The following IL12RB1 variants were observed in gnomAD, a reference collection of about 807,000 sequenced individuals.
The protein encoded by IL12RB1 is interleukin 12 receptor subunit beta 1, also known as interleukin-12 receptor subunit beta-1.
In IL12RB1, 64 loss-of-function variants were observed where a neutral mutation model predicts 94.4. The ratio of observed to expected loss-of-function variants is 0.68; its 90% CI spans 0.55 to 0.83. The LOEUF (loss-of-function observed/expected upper bound fraction) is 0.83, where lower values mean the gene tolerates loss of function less well. IL12RB1 is among the 40% of genes least tolerant of loss of function. The pLI is 0.00. For synonymous variants in IL12RB1, 362 were observed against 355.5 expected (o/e 1.02, Z -0.21); for missense variants, 814 against 855.6 (o/e 0.95, Z 0.61).
intron 7 of IL12RB1, among the ~76,000 whole-genome samples, chr19:18,075,322 G>A (rs1162689399): frequency 1.4e-5 from 2 of 148,130 alleles, no homozygotes; most frequent in African/African-American, 2.5e-5. Flanking sequence ...GTGCAGTGGT[G>A]TGATCTTGGA....
rs527345458 is a variant in IL12RB1, at chr19:18,062,273, C to G, written c.1623G>C (p.Val541=). The G allele has an allele frequency of 6.2e-7, 1 of 1,607,880 alleles. No individual in the cohort carries two copies. Among genetic ancestry groups the G allele is most frequent in the African/African-American group, 1.3e-5 (1 of 74,748 alleles). ...AGAAGATGAGCCAATCAGAAACCTGCACTTCTGAGGTGGGAGAGCGTGGGT... is the reference window on the plus strand; with the variant it reads ...AGAAGATGAGCCAATCAGAAACCTGGACTTCTGAGGTGGGAGAGCGTGGGT... ...WSQPQRFSIE[V]QVSDWLIFFA... The change falls in exon 14 of 17, where the codon GTG becomes GTC. Residue 541 remains valine, a synonymous_variant. Transcript: ENST00000593993.
At chr19:18,084,233 GTCCATCCATCCACGTATTCATCCA>G (rs1000894117) in intron 1 of IL12RB1, among the ~76,000 whole-genome samples, 1 of 105,530 alleles carries the variant, frequency 9.5e-6, no homozygotes, top group Non-Finnish European at 1.9e-5. Context: ...CCCACCATCC[GTCCATCCATCCACGTATTCATCCA>G]TCCATCCATC....
intron 16 of IL12RB1, 133 bp from the exon 17 acceptor site, chr19:18,059,746 G>A (rs1158103181): frequency 4.1e-6 from 3 of 738,002 alleles, no homozygotes; most frequent in Middle Eastern, 2.3e-4. Context: ...TGAGATAGTC[G>A]CTCTTCGTGT....
intron 12 of IL12RB1, among the ~76,000 whole-genome samples, chr19:18,065,833 G>GA (rs2034536702): frequency 6.7e-6 from 1 of 149,310 alleles, no homozygotes; most frequent in African/African-American, 2.5e-5. Context: ...AGAAAAAAAA[G>GA]AAAAAATCCC....
chr19:18,081,920 G>T (rs1298596445), intron 3 of IL12RB1, among the ~76,000 whole-genome samples: 1 of 151,954 alleles, frequency 6.6e-6, no homozygotes, highest in Non-Finnish European at 1.5e-5. Context: ...GGGTGAAGAA[G>T]AAAAAAGGAC....
chr19:18,087,032 G>A (rs2036396413), upstream of IL12RB1: 7 of 1,043,432 alleles, frequency 6.7e-6, no homozygotes, highest in Non-Finnish European at 8.3e-6. Flanking sequence ...CCGTGGTGGT[G>A]GTGATGGTGG....
intron 1 of IL12RB1, among the ~76,000 whole-genome samples, chr19:18,086,240 A>G (rs1351063328): frequency 7.4e-6 from 1 of 135,282 alleles, no homozygotes; most frequent in Non-Finnish European, 1.6e-5. Context: ...AAATAAATAA[A>G]TAAATAAATA....
chr19:18,077,228 G>GTACAGGTA lies in IL12RB1; in HGVS notation c.549+287_549+288insTACCTGTA, dbSNP rs1399568087. Among the ~76,000 whole-genome samples the GTACAGGTA allele has an allele frequency of 1.3e-3, 192 of 152,128 alleles. 1 individual carries two copies. Among genetic ancestry groups the GTACAGGTA allele is most frequent in the African/African-American group, 4.4e-3 (182 of 41,514 alleles). On this transcript the variant is annotated intron_variant, in intron 5 of 16. Coordinates refer to ENST00000593993, the MANE Select transcript of IL12RB1 (RefSeq NM_005535.3). ...CAAAAATTAGCTGCGTGTGGTAGTG[G>GTACAGGTA]GCGCATGCCTGTAATCCCAGCTACT...
At chr19:18,086,440 A>C (rs889127156) in intron 1 of IL12RB1, among the ~76,000 whole-genome samples, 5 of 152,090 alleles carry the variant, frequency 3.3e-5, no homozygotes, top group Admixed American at 3.3e-4. Context: ...ATCTATTGTA[A>C]ACTACATACA....
rs420170 is a variant in IL12RB1 at position 18,066,045 on chromosome 19, A to T, written c.1483+497T>A. On this transcript the variant is annotated intron_variant, in intron 12 of 16. Coordinates refer to ENST00000593993, the MANE Select transcript of IL12RB1 (RefSeq NM_005535.3). ...AGAGTGAGTCCCTGTCTATAAAATTAAAAAAAAAAAAAAAAAGACCCTCAA... is the reference window on the plus strand; with the variant it reads ...AGAGTGAGTCCCTGTCTATAAAATTTAAAAAAAAAAAAAAAAGACCCTCAA... 7.6e-3 allele frequency among the ~76,000 whole-genome samples: 806 copies of T among 106,086 alleles called. 6 individuals are homozygous for T. The highest frequency in any genetic ancestry group is 0.048 in the African/African-American group (666 of 13,756). 69.6% of individuals were successfully genotyped at this position (106,086 alleles called of 152,430 possible).
intron 4 of IL12RB1, among the ~76,000 whole-genome samples, chr19:18,079,635 C>T (rs889416764): frequency 6.6e-6 from 1 of 151,710 alleles, no homozygotes; most frequent in Admixed American, 6.6e-5. Flanking sequence ...GTGGGATGGG[C>T]GCGGTGGCTC....
intron 2 of IL12RB1, 77 bp downstream of exon 2, chr19:18,083,355 A>G (rs2036047072): frequency 7.2e-7 from 1 of 1,382,176 alleles, no homozygotes; most frequent in African/African-American, 1.4e-5. Context: ...GGTGGAGGCC[A>G]TGGGAGGGGC....
At chr19:18,077,365 A>C (rs1568508902) in intron 5 of IL12RB1, 151 bp downstream of exon 5, 1 of 658,510 alleles carries the variant, frequency 1.5e-6, no homozygotes, top group Non-Finnish European at 2.7e-6. Context: ...CCGTCTCAGA[A>C]AAAAAAAAAG....
intron 12 of IL12RB1, among the ~76,000 whole-genome samples, chr19:18,066,090 G>GT (rs1462637964): frequency 1.3e-5 from 2 of 148,372 alleles, no homozygotes; most frequent in East Asian, 4.0e-4. Flanking sequence ...TCTTGTTTTT[G>GT]TTTTTTGTTT....
At chr19:18,083,184 A>G in intron 2 of IL12RB1, 1 of 610,146 alleles carries the variant, frequency 1.6e-6, no homozygotes. Context: ...GACCAATCTG[A>G]ACGGACACAG....
At chr19:18,076,169 C>G in intron 6 of IL12RB1, 128 bp downstream of exon 6, 1 of 727,106 alleles carries the variant, frequency 1.4e-6, no homozygotes, top group East Asian at 2.5e-5. Context: ...GGAAAGAATC[C>G]AATACTGAAC....
intron 7 of IL12RB1, among the ~76,000 whole-genome samples, chr19:18,074,879 G>A (rs956237813): frequency 4.0e-5 from 6 of 151,616 alleles, no homozygotes; most frequent in African/African-American, 1.2e-4. Flanking sequence ...GTGAAACCCC[G>A]TCTCTACTAA....
chr19:18,075,815 G>A lies in IL12RB1; in HGVS notation c.634C>T (p.Arg212Ter), dbSNP rs772438756. The A allele has an allele frequency of 5.6e-6, 9 of 1,611,906 alleles. No individual in the cohort carries two copies. Among genetic ancestry groups the A allele is most frequent in the African/African-American group, 2.7e-5 (2 of 74,984 alleles). Residue 212 changes from arginine to a stop codon, truncating the protein, a stop_gained, in exon 7 of 17, where the codon CGA becomes TGA. Transcript: ENST00000593993. LOFTEE classifies it high-confidence loss of function. ...MNVAQEFQLRRRQLGSQGSSW... is the reference protein window; with the variant it reads ...MNVAQEFQLR ...CTTCCTTGGCTCCCCAGCTGCCGTCGTCGGAGCTGGAATTCCTGGGCCACA... is the reference window on the plus strand; with the variant it reads ...CTTCCTTGGCTCCCCAGCTGCCGTCATCGGAGCTGGAATTCCTGGGCCACA...
chr19:18,069,551 C>A lies in IL12RB1; in HGVS notation c.1184G>T (p.Gly395Val). The A allele has an allele frequency of 1.2e-6, 2 of 1,607,530 alleles. No homozygotes were observed. The highest frequency in any genetic ancestry group is 1.1e-5 in the South Asian group (1 of 90,950). The stretch of plus-strand genomic sequence containing the variant: ...AGGCCATTCCAGGCCATTACCCATT[C>A]CAGCCGGATCCGGGTCTTGCGGCGC... ...LTAPQDPDPA[G>V]MATYSWSRES... The change falls in exon 10 of 17, where the codon GGA (glycine) becomes GTA (valine). Residue 395 changes from glycine (G) to valine (V), a missense_variant. Transcript: ENST00000593993.
Sources: gnomAD v4.1 joint callset for allele counts (sites outside exome capture counted in the v4.1 genomes callset) on GRCh38, gnomAD v4.1.1 for gene constraint, MANE v1.5 for transcripts, NCBI Gene and HGNC (gene_info 2026-07-23, HGNC 2026-07-21) for gene names.